Variants in PHF20 observed in about 807,000 individuals in gnomAD.
The protein encoded by PHF20 is glioma-expressed antigen 2.
Under a neutral mutation model 113.5 loss-of-function variants are expected in PHF20, and 23 were observed. The observed-to-expected ratio is 0.20, with a 90% CI of 0.15 to 0.29. PHF20 has a LOEUF of 0.29. Among genes scored for constraint, PHF20 ranks in the 10% least tolerant of loss-of-function variants. PHF20 has a pLI of 1.00. For missense variants in PHF20, 943 were observed against 1,219.6 expected, an observed-to-expected ratio of 0.77 and a Z score of 3.38; for synonymous variants, 434 against 457.3, an observed-to-expected ratio of 0.95 and a Z score of 0.65.
rs149794718 is a variant in PHF20 at position 35,871,730 on chromosome 20, G to T, written c.1183G>T (p.Ala395Ser). 1,716 of 1,613,852 alleles carry T rather than the reference G, an allele frequency of 1.1e-3. No individual in the cohort carries two copies. The highest frequency in any genetic ancestry group is 1.6e-3 in the Admixed American group (99 of 60,000). Residue 395 changes from alanine (A) to serine (S), a missense_variant, in exon 9 of 18, where the codon GCA becomes TCA. By Grantham distance (99) the Ala-to-Ser change is moderately conservative. Coordinates refer to ENST00000374012, the MANE Select transcript of PHF20 (RefSeq NM_016436.5). ...CHSFGDGSGA[A>S]GLELNCPSMG... is the part of the protein sequence containing the mutation. ...CTCCTTTGGGGATGGATCCGGGGCT[G>T]CAGGCTTGGAGTTGAACTGCCCATC...
chr20:35,807,205 A>G (rs989114917), intron 2 of PHF20, among the ~76,000 whole-genome samples: 2 of 152,126 alleles, frequency 1.3e-5, no homozygotes, highest in African/African-American at 4.8e-5. Flanking sequence ...AAAAGTTTTC[A>G]TTCATGAAAA....
chr20:35,782,336 G>T (rs1394635948), intron 1 of PHF20: 1 of 145,120 alleles, frequency 6.9e-6, no homozygotes, highest in Non-Finnish European at 1.5e-5. Flanking sequence ...AGGCTGGAAT[G>T]CAGTGACATC....
chr20:35,814,970 C>T (rs1289270781), intron 2 of PHF20, among the ~76,000 whole-genome samples: 3 of 151,558 alleles, frequency 2.0e-5, no homozygotes, highest in African/African-American at 7.3e-5. Flanking sequence ...CTAAGGTGGG[C>T]GGATCACCTG....
chr20:35,912,167 A>G (rs2055319145), intron 10 of PHF20, among the ~76,000 whole-genome samples: 1 of 150,452 alleles, frequency 6.6e-6, no homozygotes. Flanking sequence ...TTTTAGAGAG[A>G]CGGGGTTTCA....
rs533453342 is a variant in PHF20 at position 35,913,165 on chromosome 20, C to T, written c.1562-84C>T. 4.9e-4 allele frequency: 415 copies of T among 847,946 alleles called. No homozygotes were observed. The African/African-American group carries it at 4.9e-3, about 10-fold the overall frequency. The allele number at this position is 847,946 out of a possible 1,614,324, so 52.5% of individuals were successfully genotyped here. A position where few individuals can be genotyped will look rare whatever the true frequency, so the allele number is the denominator to read the frequency against. On this transcript the variant is annotated intron_variant, in intron 10 of 17. Transcript: ENST00000374012. ...ACTTCCCAGGCAGAGCCAGACCCAT[C>T]GGACATGCTTGCTTAGGAGAAGAAT...
chr20:35,806,990 T>G (rs2041895596), intron 2 of PHF20, among the ~76,000 whole-genome samples: 1 of 151,886 alleles, frequency 6.6e-6, no homozygotes, highest in Non-Finnish European at 1.5e-5. Flanking sequence ...AGAGACGGAG[T>G]TTCACTGTGT....
chr20:35,777,106 A>T (rs748347362), intron 1 of PHF20, among the ~76,000 whole-genome samples: 5 of 152,144 alleles, frequency 3.3e-5, no homozygotes, highest in Non-Finnish European at 5.9e-5. Flanking sequence ...GCTGTATTTC[A>T]TTCAGAACTA....
At chr20:35,929,447 C>T (rs993908656) in intron 14 of PHF20, among the ~76,000 whole-genome samples, 9 of 152,250 alleles carry the variant, frequency 5.9e-5, no homozygotes, top group Non-Finnish European at 8.8e-5. Context: ...AGGGACATGA[C>T]TGGCCCAAGA....
At chr20:35,884,843 T>C (rs2054697558) in intron 9 of PHF20, among the ~76,000 whole-genome samples, 1 of 152,200 alleles carries the variant, frequency 6.6e-6, no homozygotes, top group Non-Finnish European at 1.5e-5. Context: ...TTTTATTTCA[T>C]TTTTTGAGAT....
At chr20:35,792,571 C>T (rs558128016) in intron 1 of PHF20, among the ~76,000 whole-genome samples, 5 of 151,996 alleles carry the variant, frequency 3.3e-5, no homozygotes, top group Non-Finnish European at 7.4e-5. Context: ...TTCCTCCCTC[C>T]TTCCCTACCT....
chr20:35,888,844 A>G (rs2054788499), intron 9 of PHF20, among the ~76,000 whole-genome samples: 1 of 150,882 alleles, frequency 6.6e-6, no homozygotes, highest in South Asian at 2.1e-4. Flanking sequence ...CCATATTAGT[A>G]TGCTAAGGGT....
chr20:35,837,288 A>C (rs779639002), intron 2 of PHF20, among the ~76,000 whole-genome samples: 29 of 152,218 alleles, frequency 1.9e-4, no homozygotes, highest in Non-Finnish European at 3.4e-4. Context: ...TTCACACTAA[A>C]GCAAAAATCT....
intron 9 of PHF20, among the ~76,000 whole-genome samples, chr20:35,875,164 T>G (rs962327538): frequency 2.6e-5 from 4 of 151,868 alleles, no homozygotes; most frequent in African/African-American, 7.3e-5. Flanking sequence ...CTCGGATGCC[T>G]AGGCGGGCAG....
intron 1 of PHF20, among the ~76,000 whole-genome samples, chr20:35,792,364 T>C (rs2041574884): frequency 6.6e-6 from 1 of 151,896 alleles, no homozygotes; most frequent in South Asian, 2.1e-4. Flanking sequence ...ATTTTTTGTA[T>C]TTTTAGTAGA....
intron 10 of PHF20, among the ~76,000 whole-genome samples, chr20:35,907,046 C>T (rs1396693115): frequency 6.6e-6 from 1 of 152,148 alleles, no homozygotes; most frequent in Non-Finnish European, 1.5e-5. Flanking sequence ...CTTCTGTCTG[C>T]CCTTGAGCTA....
chr20:35,896,303 A>T (rs2054982145), intron 9 of PHF20, among the ~76,000 whole-genome samples: 1 of 152,040 alleles, frequency 6.6e-6, no homozygotes, highest in Non-Finnish European at 1.5e-5. Flanking sequence ...CTTCCAGTGG[A>T]GATTGTGTGA....
chr20:35,788,914 G>A (rs2041480815), intron 1 of PHF20, among the ~76,000 whole-genome samples: 1 of 152,174 alleles, frequency 6.6e-6, no homozygotes, highest in Admixed American at 6.6e-5. Flanking sequence ...ACCATGTTAA[G>A]GGCACTGCTT....
intron 9 of PHF20, among the ~76,000 whole-genome samples, chr20:35,875,033 G>A (rs905822715): frequency 5.9e-5 from 9 of 152,098 alleles, no homozygotes; most frequent in Admixed American, 2.0e-4. Context: ...CAGGGAGGTC[G>A]AGGCTGCCTT....
At chr20:35,926,230 A>ATTTT (rs1186510585) in intron 13 of PHF20, among the ~76,000 whole-genome samples, 9 of 52,990 alleles carry the variant, frequency 1.7e-4, no homozygotes, top group Non-Finnish European at 2.8e-4. Flanking sequence ...ACAGACTTTC[A>ATTTT]TTTTTTTTTT....
Sources: gnomAD v4.1 joint callset for allele counts (sites outside exome capture counted in the v4.1 genomes callset) on GRCh38, gnomAD v4.1.1 for gene constraint, MANE v1.5 for transcripts, NCBI Gene and HGNC (gene_info 2026-07-23, HGNC 2026-07-21) for gene names.